PHF21A: variants seen among roughly 807,000 people sequenced by gnomAD.
The protein encoded by PHF21A is PHD finger protein 21A.
PHF21A carries 11 observed loss-of-function variants against 82.5 expected under a neutral mutation model. The ratio of observed to expected loss-of-function variants is 0.13; its 90% CI spans 0.08 to 0.22. PHF21A has a LOEUF of 0.22. Ranked by LOEUF, PHF21A falls within the 10% of genes least tolerant of loss-of-function variation. PHF21A has a pLI of 1.00. For synonymous variants in PHF21A, 297 were observed against 302.8 expected, an observed-to-expected ratio of 0.98 and a Z score of 0.20; for missense variants, 579 against 837.8, an observed-to-expected ratio of 0.69 and a Z score of 3.81.
At chr11:45,937,489 TA>T (rs778189027) in intron 16 of PHF21A, among the ~76,000 whole-genome samples, 6 of 152,312 alleles carry the variant, frequency 3.9e-5, no homozygotes, top group East Asian at 1.9e-4. Context: ...TTATTAGTAT[TA>T]TTTTTTTGAG....
chr11:45,970,266 T>C, intron 8 of PHF21A: 1 of 252,118 alleles, frequency 4.0e-6, no homozygotes, highest in Non-Finnish European at 7.7e-6. Flanking sequence ...AATAGGCTTT[T>C]TCCTGATATA....
intron 17 of PHF21A, among the ~76,000 whole-genome samples, chr11:45,936,023 C>T (rs1387973340): frequency 2.0e-5 from 3 of 152,162 alleles, no homozygotes; most frequent in African/African-American, 7.2e-5. Context: ...CATGCCTGTA[C>T]TCCTAGGACT....
At chr11:46,044,227 C>T (rs1359474257) in intron 6 of PHF21A, among the ~76,000 whole-genome samples, 1 of 152,028 alleles carries the variant, frequency 6.6e-6, no homozygotes, top group Non-Finnish European at 1.5e-5. Context: ...CAAAAGCTGT[C>T]CTATAGTACA....
Position 46,054,884 on chromosome 11 carries a change from G to A in PHF21A, c.153+21870C>T, listed in dbSNP as rs528192552. Among the ~76,000 whole-genome samples, 367 of 152,186 alleles carry A rather than the reference G, an allele frequency of 2.4e-3. 3 individuals are homozygous for A. Among genetic ancestry groups the A allele is most frequent in the African/African-American group, 7.9e-3 (329 of 41,520 alleles). On this transcript the variant is annotated intron_variant, in intron 6 of 18. Coordinates refer to ENST00000676320, the MANE Select transcript of PHF21A (RefSeq NM_001352027.3). ...AGTAGAAGCTCTTTTAACCAGTAAC[G>A]ACTAGGACCAGCAGTTGATCAGATA...
chr11:46,068,726 T>C (rs942506836), intron 6 of PHF21A, among the ~76,000 whole-genome samples: 2 of 149,804 alleles, frequency 1.3e-5, no homozygotes, highest in East Asian at 3.9e-4. Flanking sequence ...TGTCAACATA[T>C]ATAACACCTG....
In PHF21A at chr11:46,011,561, C is replaced by T. The variant is rs148678539; in HGVS notation, c.154-31595G>A. ...ATTGGCAATTTCTAAGATACTTTCT[C>T]GCTCTGGAAATCTAGGATTTCAAGA... On this transcript the variant is annotated intron_variant, in intron 6 of 18. Transcript: ENST00000676320. 1.1e-4 allele frequency among the ~76,000 whole-genome samples: 17 copies of T among 152,280 alleles called. No homozygotes were observed. The East Asian group carries it at 3.1e-3, about 28-fold the overall frequency.
At chr11:46,027,756 G>C (rs1022334934) in intron 6 of PHF21A, among the ~76,000 whole-genome samples, 5 of 152,198 alleles carry the variant, frequency 3.3e-5, no homozygotes, top group Admixed American at 2.6e-4. Context: ...TCAGTATTCA[G>C]GGGATACCTG....
In PHF21A at chr11:45,932,924, A is replaced by T. The variant is rs2087834055; in HGVS notation, c.*1044T>A. ...CCTTATTTTAGTTTTTGTTACCAAG[A>T]AAGTAAAATGAACAGTAAAATAAAA... On this transcript the variant is annotated 3_prime_UTR_variant, in exon 19 of 19. Transcript: ENST00000676320. This position sits in a 1 kb window ranked among gnomAD's most constrained non-coding sequence, Gnocchi z 4.3. 6.6e-6 allele frequency: 1 copy of T among 152,556 alleles called. No individual in the cohort carries two copies. The highest frequency in any genetic ancestry group is 1.5e-5 in the Non-Finnish European group (1 of 68,044). 9.5% of individuals were successfully genotyped at this position (152,556 alleles called of 1,614,324 possible).
chr11:45,971,329 T>A lies in PHF21A; in HGVS notation c.399A>T (p.Thr133=). The A allele has an allele frequency of 3.7e-6, 6 of 1,614,188 alleles. No individual in the cohort carries two copies. The highest frequency in any genetic ancestry group is 5.1e-6 in the Non-Finnish European group (6 of 1,180,004). ...VTTASMITTK[T]LPLVLKAATA... is the part of the protein sequence containing the mutation. The stretch of plus-strand genomic sequence containing the variant: ...TTGCTGCTTTCAAGACGAGAGGTAG[T>A]GTCTTTGTGGTAATCATAGAAGCTG... Residue 133 remains threonine (T), a synonymous_variant, in exon 8 of 19, where the codon ACA becomes ACT. Transcript: ENST00000676320.
intron 7 of PHF21A, among the ~76,000 whole-genome samples, chr11:45,977,035 G>GT (rs2136219064): frequency 6.6e-6 from 1 of 152,032 alleles, no homozygotes; most frequent in East Asian, 1.9e-4. Flanking sequence ...ATACAACACT[G>GT]TTTTGGAGGC....
intron 7 of PHF21A, among the ~76,000 whole-genome samples, chr11:45,971,890 C>CTTTTTTTTTTTTTTTTT (rs377734291): frequency 6.0e-5 from 3 of 50,298 alleles, no homozygotes; most frequent in Non-Finnish European, 1.2e-4. Flanking sequence ...CTTTTTCTTT[C>CTTTTTTTTTTTTTTTTT]TTTTTTTTTT....
At chr11:46,103,201 CTCTT>C (rs1471787574) in intron 1 of PHF21A, among the ~76,000 whole-genome samples, 3 of 152,216 alleles carry the variant, frequency 2.0e-5, no homozygotes, top group Non-Finnish European at 2.9e-5. Context: ...CTTGTAGAAT[CTCTT>C]TCTAACACAT....
At chr11:46,053,535 A>C (rs553227807) in intron 6 of PHF21A, among the ~76,000 whole-genome samples, 2 of 152,068 alleles carry the variant, frequency 1.3e-5, no homozygotes, top group East Asian at 1.9e-4. Flanking sequence ...TCTTCATTAT[A>C]TATATAATTA....
At chr11:46,097,119 C>T (rs920160759) in intron 1 of PHF21A, among the ~76,000 whole-genome samples, 1 of 152,172 alleles carries the variant, frequency 6.6e-6, no homozygotes, top group Non-Finnish European at 1.5e-5. Flanking sequence ...CTTCACCTTT[C>T]ACCTAGATAA....
intron 15 of PHF21A, among the ~76,000 whole-genome samples, chr11:45,940,996 A>G (rs899871418): frequency 6.6e-6 from 1 of 152,216 alleles, no homozygotes; most frequent in African/African-American, 2.4e-5. Flanking sequence ...TATATACCCT[A>G]TAATTTTTGG....
chr11:46,032,535 T>C (rs1203848534), intron 6 of PHF21A, among the ~76,000 whole-genome samples: 1 of 152,206 alleles, frequency 6.6e-6, no homozygotes, highest in African/African-American at 2.4e-5. Flanking sequence ...TCCTTATAAA[T>C]GTATCTTTAT....
At position 46,121,328 on chromosome 11, in the gene PHF21A, G is replaced by C. The variant is rs879348999; in HGVS notation, c.-630C>G. On this transcript the variant is annotated 5_prime_UTR_variant, in exon 1 of 19. Coordinates refer to ENST00000676320, the MANE Select transcript of PHF21A (RefSeq NM_001352027.3). ...ACAGGCCCCGGGCCGGAATCGGGAG[G>C]GGGGAATCAGAGCAGCAGGAGAGAA... 3 of 152,782 alleles carry C rather than the reference G, an allele frequency of 2.0e-5. No individual in the cohort carries two copies. The highest frequency in any genetic ancestry group is 6.6e-5 in the Admixed American group (1 of 15,254). The allele number at this position is 152,782 out of a possible 1,614,324, so 9.5% of individuals were successfully genotyped here. A position where few individuals can be genotyped will look rare whatever the true frequency, so the allele number is the denominator to read the frequency against.
chr11:46,059,055 G>A (rs2096497228), intron 6 of PHF21A, among the ~76,000 whole-genome samples: 1 of 152,158 alleles, frequency 6.6e-6, no homozygotes, highest in Non-Finnish European at 1.5e-5. Context: ...TCATGATTAA[G>A]CTAGTTGGAG....
chr11:46,016,971 AT>A (rs58460605), intron 6 of PHF21A, among the ~76,000 whole-genome samples: 45,424 of 147,750 alleles, frequency 0.31, 7,964 homozygotes, highest in East Asian at 0.8. Flanking sequence ...TTTAACCTGG[AT>A]TTTTTTTTTT....
Sources: gnomAD v4.1 joint callset for allele counts (sites outside exome capture counted in the v4.1 genomes callset) on GRCh38, gnomAD v4.1.1 for gene constraint, Gnocchi (gnomAD v3.1) non-coding constraint, MANE v1.5 for transcripts, NCBI Gene and HGNC (gene_info 2026-07-23, HGNC 2026-07-21) for gene names.